Variants in NPSR1 observed in about 807,000 individuals in gnomAD.
NPSR1 encodes the protein neuropeptide S receptor 1.
Under a neutral mutation model 46.9 loss-of-function variants are expected in NPSR1, and 48 were observed. The observed-to-expected ratio is 1.02, with a 90% CI of 0.81 to 1.30. The LOEUF is 1.30. NPSR1 is among the 50% of genes most tolerant of loss of function. The pLI, the probability that NPSR1 is intolerant of heterozygous loss-of-function variation, is 0.00. For missense variants in NPSR1, 450 were observed against 449.5 expected, an observed-to-expected ratio of 1.00 and a Z score of -0.01; for synonymous variants, 176 against 168.1, an observed-to-expected ratio of 1.05 and a Z score of -0.36.
At chr7:34,736,515 C>G (rs1405711108) in intron 2 of NPSR1, among the ~76,000 whole-genome samples, 3 of 152,128 alleles carry the variant, frequency 2.0e-5, no homozygotes, top group African/African-American at 4.8e-5. Context: ...TGTACCCACA[C>G]TGGCGAACAA....
Position 34,824,439 on chromosome 7 carries a change from G to T in NPSR1, c.479-2962G>T, listed in dbSNP as rs569971019. The stretch of plus-strand genomic sequence containing the variant: ...TCGATCCTGGATCCTTCAGCCCTGA[G>T]AAGTCACTCTTCATGGCAAATGGGC... On this transcript the variant is annotated intron_variant, in intron 4 of 8. Transcript: ENST00000360581. Among the ~76,000 whole-genome samples, 10 of 152,252 alleles carry T rather than the reference G, an allele frequency of 6.6e-5. No homozygotes were observed. In the East Asian group the frequency reaches 1.9e-3, roughly 29 times the overall value.
chr7:34,788,775 T>C (rs1787586602), intron 3 of NPSR1, among the ~76,000 whole-genome samples: 1 of 151,972 alleles, frequency 6.6e-6, no homozygotes, highest in African/African-American at 2.4e-5. Context: ...TAAAGAACGA[T>C]TGGATTTAAA....
intron 2 of NPSR1, among the ~76,000 whole-genome samples, chr7:34,777,518 T>C (rs561909339): frequency 6.6e-6 from 1 of 152,094 alleles, no homozygotes; most frequent in African/African-American, 2.4e-5. Context: ...CAGTGCCTCT[T>C]TCAGCAATAT....
chr7:34,833,049 C>T (rs1790193187), intron 5 of NPSR1, among the ~76,000 whole-genome samples: 1 of 152,174 alleles, frequency 6.6e-6, no homozygotes, highest in Non-Finnish European at 1.5e-5. Flanking sequence ...TGGAGGGGTT[C>T]ACTCAGCAAG....
chr7:34,844,070 A>T (rs1562769367), intron 6 of NPSR1, among the ~76,000 whole-genome samples: 1 of 151,928 alleles, frequency 6.6e-6, no homozygotes, highest in Non-Finnish European at 1.5e-5. Context: ...GACAGTAGAA[A>T]CTCTTCCATG....
rs762431438 is a variant in NPSR1, at chr7:34,716,438, A to G, written c.280+31754A>G. On this transcript the variant is annotated intron_variant, in intron 2 of 8. Transcript: ENST00000360581. ...TACATATTGGGAGCAGGATGAAGAC[A>G]CAGAGTTTCTGGTTCAAATCCTCGT... is the stretch of plus-strand genomic sequence containing the variant. Among the ~76,000 whole-genome samples, 26 of 152,304 alleles carry G rather than the reference A, an allele frequency of 1.7e-4. No individual in the cohort carries two copies. The Middle Eastern group carries it at 0.01, about 60-fold the overall frequency.
intron 3 of NPSR1, among the ~76,000 whole-genome samples, chr7:34,807,559 C>T (rs906979691): frequency 2.0e-5 from 3 of 152,026 alleles, no homozygotes; most frequent in Non-Finnish European, 4.4e-5. Flanking sequence ...GTAATGAATG[C>T]CTTCTTTAAT....
At chr7:34,748,420 AG>A (rs1474298048) in intron 2 of NPSR1, among the ~76,000 whole-genome samples, 2 of 152,184 alleles carry the variant, frequency 1.3e-5, no homozygotes, top group African/African-American at 2.4e-5. Flanking sequence ...GGAAGTCCCC[AG>A]GGTGACCAGA....
At chr7:34,829,270 G>T (rs1052162806) in intron 5 of NPSR1, among the ~76,000 whole-genome samples, 1 of 152,190 alleles carries the variant, frequency 6.6e-6, no homozygotes, top group African/African-American at 2.4e-5. Flanking sequence ...CAACCCAGCA[G>T]CCTTTCCAAA....
intron 7 of NPSR1, among the ~76,000 whole-genome samples, chr7:34,846,072 C>T (rs979437279): frequency 5.3e-5 from 8 of 152,142 alleles, no homozygotes; most frequent in East Asian, 3.9e-4. Flanking sequence ...ACACTGCAGG[C>T]GGAACTGGGA....
At chr7:34,730,645 C>T (rs529573570) in intron 2 of NPSR1, among the ~76,000 whole-genome samples, 2 of 152,270 alleles carry the variant, frequency 1.3e-5, no homozygotes, top group East Asian at 1.9e-4. Context: ...GTCATAAACC[C>T]AGGAGTAATA....
chr7:34,873,726 T>A (rs1791511804), intron 8 of NPSR1, among the ~76,000 whole-genome samples: 2 of 151,700 alleles, frequency 1.3e-5, no homozygotes, highest in African/African-American at 4.9e-5. Context: ...CATTGGGGGT[T>A]ACATTTCAGC....
chr7:34,668,493 C>T (rs185935152), intron 1 of NPSR1, among the ~76,000 whole-genome samples: 2 of 152,282 alleles, frequency 1.3e-5, no homozygotes, highest in African/African-American at 4.8e-5. Flanking sequence ...GTAATGAATG[C>T]AATTCTATCA....
intron 8 of NPSR1, among the ~76,000 whole-genome samples, chr7:34,873,907 TC>T (rs34903149): frequency 4.0e-5 from 6 of 151,416 alleles, no homozygotes; most frequent in Non-Finnish European, 7.4e-5. Context: ...TCATTCAACC[TC>T]CCCTGAGTGC....
intron 8 of NPSR1, 43 bp downstream of exon 8, chr7:34,848,706 T>C (rs377581618): frequency 5.6e-5 from 87 of 1,549,648 alleles, no homozygotes; most frequent in Non-Finnish European, 7.2e-5. Flanking sequence ...TGATGGCCAT[T>C]GCACTGGGAT....
At chr7:34,869,086 T>C (rs573395123) in intron 8 of NPSR1, among the ~76,000 whole-genome samples, 1 of 151,690 alleles carries the variant, frequency 6.6e-6, no homozygotes, top group African/African-American at 2.4e-5. Flanking sequence ...CACATTTAAG[T>C]TCAAGGTTCT....
At chr7:34,704,548 A>G (rs1794005047) in intron 2 of NPSR1, among the ~76,000 whole-genome samples, 1 of 152,214 alleles carries the variant, frequency 6.6e-6, no homozygotes, top group Non-Finnish European at 1.5e-5. Context: ...TTTAATGTAT[A>G]CTAAAATGTA....
At chr7:34,675,317 C>G (rs1792261671) in intron 1 of NPSR1, among the ~76,000 whole-genome samples, 1 of 152,104 alleles carries the variant, frequency 6.6e-6, no homozygotes, top group Admixed American at 6.5e-5. Flanking sequence ...TCCCTTTCAC[C>G]CTATAATTGT....
chr7:34,738,126 TAA>T (rs1313483345), intron 2 of NPSR1, among the ~76,000 whole-genome samples: 2 of 152,222 alleles, frequency 1.3e-5, no homozygotes, highest in Admixed American at 1.3e-4. Flanking sequence ...TTTGGAGGCA[TAA>T]AGAGCCAAAA....
Sources: gnomAD v4.1 joint callset for allele counts (sites outside exome capture counted in the v4.1 genomes callset) on GRCh38, gnomAD v4.1.1 for gene constraint, MANE v1.5 for transcripts, NCBI Gene and HGNC (gene_info 2026-07-23, HGNC 2026-07-21) for gene names.